VIRMA: variants seen among roughly 807,000 people sequenced by gnomAD.
The protein encoded by VIRMA is protein virilizer homolog.
In VIRMA, 65 loss-of-function variants were observed where a neutral mutation model predicts 182.4. The ratio of observed to expected loss-of-function variants is 0.36; its 90% CI spans 0.29 to 0.44. The LOEUF (loss-of-function observed/expected upper bound fraction) is 0.44. VIRMA is among the 20% of genes least tolerant of loss of function. The pLI is 1.00. For missense variants in VIRMA, 1,752 were observed against 2,158.1 expected, an observed-to-expected ratio of 0.81 and a Z score of 3.73; for synonymous variants, 709 against 743.1, an observed-to-expected ratio of 0.95 and a Z score of 0.75.
chr8:94,495,739 A>T lies in VIRMA; in HGVS notation c.4536T>A (p.Phe1512Leu). Residue 1512 changes from phenylalanine (F) to leucine (L), a missense_variant, in exon 19 of 24, where the codon TTT becomes TTA. By Grantham distance (22) the Phe-to-Leu change is conservative. This residue lies in a region of VIRMA where 777 missense variants were observed against 920.6 expected (regional missense o/e 0.84). Coordinates refer to ENST00000297591, the MANE Select transcript of VIRMA (RefSeq NM_015496.5). ...LSAPESLQNL[F>L]NNRTAYVLAD... ...AACATTGTGTATTTTACCTATTGTT[A>T]AACAGATTCTGAAGAGATTCTGGAG... 2 of 1,612,954 alleles carry T rather than the reference A, an allele frequency of 1.2e-6. No individual in the cohort carries two copies. The highest frequency in any genetic ancestry group is 1.7e-6 in the Non-Finnish European group (2 of 1,179,502).
At chr8:94,544,050 CATATCATTAA>C (rs1203463195) in intron 1 of VIRMA, 108 bp from the exon 2 acceptor site, 4 of 645,402 alleles carry the variant, frequency 6.2e-6, no homozygotes, top group African/African-American at 3.6e-5. Flanking sequence ...CTTAACATTC[CATATCATTAA>C]ATATCATTAA....
At chr8:94,511,055 C>G in intron 13 of VIRMA, 130 bp downstream of exon 13, 1 of 1,441,434 alleles carries the variant, frequency 6.9e-7, no homozygotes. Context: ...TTATCTCCCC[C>G]TCATCCGGTT....
At chr8:94,551,849 C>T (rs114978914) in intron 1 of VIRMA, among the ~76,000 whole-genome samples, 3 of 152,098 alleles carry the variant, frequency 2.0e-5, no homozygotes, top group East Asian at 1.9e-4. Context: ...TTCAGCCTCC[C>T]GAGTAGCTGG....
chr8:94,520,895 C>T (rs913848204), intron 8 of VIRMA, among the ~76,000 whole-genome samples: 1 of 152,078 alleles, frequency 6.6e-6, no homozygotes, highest in Non-Finnish European at 1.5e-5. Flanking sequence ...GTTAGTATTA[C>T]CACACATAGC....
chr8:94,528,107 G>A (rs1399872058), intron 7 of VIRMA, among the ~76,000 whole-genome samples: 1 of 151,772 alleles, frequency 6.6e-6, no homozygotes, highest in African/African-American at 2.4e-5. Context: ...AGGGGTGCGT[G>A]CCTGTAAGCC....
At position 94,537,155 on chromosome 8, in the gene VIRMA, T is replaced by C. The variant is rs1815373202; in HGVS notation, c.267-4A>G. 1 of 1,584,442 alleles carries C rather than the reference T, an allele frequency of 6.3e-7. No individual in the cohort carries two copies. Among genetic ancestry groups the C allele is most frequent in the African/African-American group, 1.3e-5 (1 of 74,298 alleles). The stretch of plus-strand genomic sequence containing the variant: ...AGTATTCTCATCATATTCCAGGCTG[T>C]CAAGAGAGTAGAAATAAATATGTAA... On this transcript the variant is annotated splice_polypyrimidine_tract_variant and splice_region_variant and intron_variant, in intron 3 of 23. Coordinates refer to ENST00000297591, the MANE Select transcript of VIRMA (RefSeq NM_015496.5).
intron 2 of VIRMA, 109 bp from the exon 3 acceptor site, chr8:94,538,455 T>C (rs1815418861): frequency 6.0e-6 from 4 of 662,866 alleles, no homozygotes; most frequent in Non-Finnish European, 1.1e-5. Context: ...AATTAGAATA[T>C]GATGTTCCTA....
chr8:94,507,915 G>GTATATATA (rs1814223065), intron 15 of VIRMA, among the ~76,000 whole-genome samples: 1 of 76,398 alleles, frequency 1.3e-5, no homozygotes, highest in Non-Finnish European at 3.0e-5. Flanking sequence ...ATATATGTAT[G>GTATATATA]TGTATATATG....
At chr8:94,494,073 A>C (rs545076600) in intron 20 of VIRMA, among the ~76,000 whole-genome samples, 2 of 150,156 alleles carry the variant, frequency 1.3e-5, no homozygotes, top group African/African-American at 4.9e-5. Context: ...GTTTTATGGG[A>C]TACTTTTCCC....
intron 5 of VIRMA, among the ~76,000 whole-genome samples, chr8:94,534,606 GCCT>G (rs531380357): frequency 5.6e-5 from 8 of 143,488 alleles, no homozygotes; most frequent in Admixed American, 7.2e-5. Flanking sequence ...TCTCCCTCTT[GCCT>G]CCTCTTCTTT....
intron 2 of VIRMA, among the ~76,000 whole-genome samples, chr8:94,540,311 CTGATA>C (rs74925410): frequency 0.11 from 17,158 of 151,738 alleles, 1,344 homozygotes; most frequent in East Asian, 0.23. Context: ...AAAAGTACTC[CTGATA>C]TATTATAAAT....
Position 94,519,173 on chromosome 8 carries a change from G to A in VIRMA, c.2325C>T (p.Phe775=), listed in dbSNP as rs1228417531. The change falls in exon 9 of 24, where the codon TTC becomes TTT. Residue 775 remains phenylalanine (F), a synonymous_variant. Transcript: ENST00000297591. ...TGGCTGTACAACGCTGAAAATGGCTGAACAGTTCTGTAATACATTGCAATG... is the reference window on the plus strand; with the variant it reads ...TGGCTGTACAACGCTGAAAATGGCTAAACAGTTCTGTAATACATTGCAATG... The part of the protein sequence containing the change: ...TQTLQCITEL[F]SHFQRCTASE... The A allele has an allele frequency of 5.6e-6, 9 of 1,613,988 alleles. No individual in the cohort carries two copies. In the South Asian group the frequency reaches 8.8e-5, roughly 16 times the overall value.
intron 2 of VIRMA, among the ~76,000 whole-genome samples, chr8:94,541,773 C>G (rs1441749827): frequency 6.6e-6 from 1 of 152,146 alleles, no homozygotes; most frequent in Non-Finnish European, 1.5e-5. Context: ...AACTCGTGAC[C>G]TCAAATGATC....
intron 8 of VIRMA, among the ~76,000 whole-genome samples, chr8:94,524,826 T>C (rs1814902743): frequency 6.6e-6 from 1 of 152,230 alleles, no homozygotes; most frequent in African/African-American, 2.4e-5. Context: ...AAATACATGA[T>C]TTCCTATCCT....
At chr8:94,507,894 T>C (rs1246032019) in intron 15 of VIRMA, among the ~76,000 whole-genome samples, 1 of 147,526 alleles carries the variant, frequency 6.8e-6, no homozygotes, top group Non-Finnish European at 1.5e-5. Context: ...TGTATATATG[T>C]ATATATATGT....
At chr8:94,536,028 T>C (rs925198977) in intron 4 of VIRMA, among the ~76,000 whole-genome samples, 3 of 152,212 alleles carry the variant, frequency 2.0e-5, no homozygotes, top group African/African-American at 4.8e-5. Flanking sequence ...AAGAAGAGCC[T>C]GCATTAGAAA....
At chr8:94,545,489 T>C (rs1022873630) in intron 1 of VIRMA, among the ~76,000 whole-genome samples, 2 of 152,248 alleles carry the variant, frequency 1.3e-5, no homozygotes, top group Non-Finnish European at 2.9e-5. Flanking sequence ...TATTTGCTGC[T>C]ACCAGTTGTT....
intron 10 of VIRMA, among the ~76,000 whole-genome samples, chr8:94,516,118 A>G (rs1408827641): frequency 6.6e-6 from 1 of 152,100 alleles, no homozygotes; most frequent in Admixed American, 6.5e-5. Flanking sequence ...AAAAAAATGT[A>G]CATACCTACA....
chr8:94,512,130 AC>A (rs1554554848), intron 11 of VIRMA, 41 bp from the exon 12 acceptor site: 23 of 1,030,576 alleles, frequency 2.2e-5, no homozygotes, highest in Non-Finnish European at 2.7e-5. Flanking sequence ...GTTTCTTAGT[AC>A]CCATGAGATC....
Sources: gnomAD v4.1 joint callset for allele counts (sites outside exome capture counted in the v4.1 genomes callset) on GRCh38, gnomAD v4.1.1 for gene constraint, gnomAD v4.1.1 regional missense constraint, MANE v1.5 for transcripts, NCBI Gene and HGNC (gene_info 2026-07-23, HGNC 2026-07-21) for gene names.